DNER: variants seen among roughly 807,000 people sequenced by gnomAD.
DNER encodes the protein delta and Notch-like epidermal growth factor-related receptor.
DNER carries 33 observed loss-of-function variants against 78.2 expected under a neutral mutation model. The ratio of observed to expected loss-of-function variants is 0.42; its 90% CI spans 0.32 to 0.56. The LOEUF (loss-of-function observed/expected upper bound fraction) is 0.56, where lower values mean the gene tolerates loss of function less well. DNER is among the 20% of genes least tolerant of loss of function. DNER has a pLI of 0.11. For missense variants in DNER, 918 were observed against 975.3 expected, an observed-to-expected ratio of 0.94 and a Z score of 0.78; for synonymous variants, 417 against 384.8, an observed-to-expected ratio of 1.08 and a Z score of -0.98.
intron 1 of DNER, among the ~76,000 whole-genome samples, chr2:229,676,432 A>G (rs192528533): frequency 2.6e-5 from 4 of 152,392 alleles, no homozygotes; most frequent in Admixed American, 6.5e-5. Context: ...GTGCTAAATC[A>G]TAGTTGAATA....
chr2:229,592,686 G>A (rs1049284527), intron 1 of DNER, among the ~76,000 whole-genome samples: 3 of 152,114 alleles, frequency 2.0e-5, no homozygotes, highest in African/African-American at 2.4e-5. Flanking sequence ...TTGCAGACAC[G>A]CTACAAAACA....
intron 8 of DNER, among the ~76,000 whole-genome samples, chr2:229,421,583 C>T (rs1693764045): frequency 6.8e-6 from 1 of 146,706 alleles, no homozygotes; most frequent in Admixed American, 6.8e-5. Context: ...GTAAAAAATA[C>T]ACAACATAAA....
chr2:229,513,063 G>T, intron 5 of DNER, 127 bp from the exon 6 acceptor site: 1 of 1,050,854 alleles, frequency 9.5e-7, no homozygotes. Context: ...AATCACTTAT[G>T]TCATAATCTA....
chr2:229,509,773 C>T (rs1695826576), intron 6 of DNER, among the ~76,000 whole-genome samples: 1 of 152,142 alleles, frequency 6.6e-6, no homozygotes, highest in Admixed American at 6.5e-5. Context: ...CGAGATCATG[C>T]CACTGCATTC....
chr2:229,550,631 C>G (rs1696715928), intron 4 of DNER, among the ~76,000 whole-genome samples: 1 of 151,950 alleles, frequency 6.6e-6, no homozygotes, highest in South Asian at 2.1e-4. Flanking sequence ...AAAAAATTAG[C>G]CAGGCATGGT....
intron 1 of DNER, among the ~76,000 whole-genome samples, chr2:229,688,862 C>T (rs1469135163): frequency 6.6e-6 from 1 of 152,108 alleles, no homozygotes; most frequent in Non-Finnish European, 1.5e-5. Flanking sequence ...AGCTGGAAGC[C>T]GTCATCCTGA....
At position 229,412,763 on chromosome 2, in the gene DNER, G is replaced by C. The variant is rs553563178; in HGVS notation, c.1609+5345C>G. Among the ~76,000 whole-genome samples, 5 of 152,290 alleles carry C rather than the reference G, an allele frequency of 3.3e-5. No homozygotes were observed. The East Asian group carries it at 9.7e-4, about 29-fold the overall frequency. ...CCCCGTCAGGAATGAAGTTGCAGAA[G>C]ACACAGCAAGGCGACGTGCAAGAGG... On this transcript the variant is annotated intron_variant, in intron 9 of 12. Transcript: ENST00000341772.
chr2:229,563,462 A>AC (rs932229466), intron 4 of DNER, among the ~76,000 whole-genome samples: 1 of 133,156 alleles, frequency 7.5e-6, no homozygotes, highest in Non-Finnish European at 1.6e-5. Flanking sequence ...CTTCATCATC[A>AC]CCCCATCGCC....
chr2:229,703,114 G>A (rs551716203), intron 1 of DNER, among the ~76,000 whole-genome samples: 33 of 152,058 alleles, frequency 2.2e-4, no homozygotes, highest in Non-Finnish European at 4.0e-4. Context: ...GAGAAGGGGG[G>A]AGAACATATT....
At chr2:229,393,857 CA>C (rs940519007) in intron 10 of DNER, among the ~76,000 whole-genome samples, 102 of 131,108 alleles carry the variant, frequency 7.8e-4, no homozygotes, top group Middle Eastern at 4.2e-3. Context: ...AAAACAAAAA[CA>C]AAAACAAAAA....
chr2:229,527,542 T>C (rs1372916876), intron 5 of DNER, among the ~76,000 whole-genome samples: 1 of 152,186 alleles, frequency 6.6e-6, no homozygotes, highest in Non-Finnish European at 1.5e-5. Flanking sequence ...AGAACAGAAA[T>C]CCAGGCAGCC....
chr2:229,540,824 A>G (rs1351494889), intron 5 of DNER, among the ~76,000 whole-genome samples: 1 of 152,192 alleles, frequency 6.6e-6, no homozygotes, highest in Non-Finnish European at 1.5e-5. Context: ...CTCTCAAAAC[A>G]ACGTCTCAGT....
intron 5 of DNER, among the ~76,000 whole-genome samples, chr2:229,534,019 T>A (rs761524958): frequency 6.6e-6 from 1 of 152,238 alleles, no homozygotes; most frequent in Non-Finnish European, 1.5e-5. Flanking sequence ...TCCAAAGGAC[T>A]GATGTGTGAT....
intron 10 of DNER, among the ~76,000 whole-genome samples, chr2:229,405,891 A>G (rs1471986636): frequency 2.0e-5 from 3 of 152,276 alleles, no homozygotes; most frequent in East Asian, 3.9e-4. Context: ...TCTGGGGAAA[A>G]AAAACCCGGG....
chr2:229,457,189 T>C (rs1426457904), intron 7 of DNER, among the ~76,000 whole-genome samples: 3 of 151,996 alleles, frequency 2.0e-5, no homozygotes, highest in African/African-American at 7.3e-5. Context: ...TTAAGCTGAA[T>C]AGAAACAATA....
chr2:229,413,504 G>T (rs1201732887), intron 9 of DNER, among the ~76,000 whole-genome samples: 1 of 151,054 alleles, frequency 6.6e-6, no homozygotes, highest in Non-Finnish European at 1.5e-5. Flanking sequence ...TGTATTTTTA[G>T]TAGAGATGGG....
At chr2:229,596,554 A>G (rs994299247) in intron 1 of DNER, among the ~76,000 whole-genome samples, 5 of 152,176 alleles carry the variant, frequency 3.3e-5, no homozygotes, top group African/African-American at 1.2e-4. Flanking sequence ...CACTTTGTGA[A>G]GCCATTCACC....
Position 229,358,577 on chromosome 2 carries a change from T to C in DNER, c.2177A>G (p.Lys726Arg). The C allele has an allele frequency of 6.2e-7, 1 of 1,613,820 alleles. No homozygotes were observed. The highest frequency in any genetic ancestry group is 8.5e-7 in the Non-Finnish European group (1 of 1,179,834). Reference protein sequence around the residue: ...IAYEDYSPDDKPLVTLIKTKD... With the variant: ...IAYEDYSPDDRPLVTLIKTKD... ...AGTTTTAATCAGTGTGACCAAGGGT[T>C]TGTCATCAGGACTGTAATCTTCATA... The change falls in exon 13 of 13, where the codon AAA becomes AGA. Residue 726 changes from lysine to arginine, a missense_variant. Transcript: ENST00000341772.
intron 1 of DNER, among the ~76,000 whole-genome samples, chr2:229,615,284 G>A (rs1461473999): frequency 6.6e-6 from 1 of 151,918 alleles, no homozygotes; most frequent in African/African-American, 2.4e-5. Context: ...GGTGGCACAT[G>A]CCTGTAATCC....
Sources: allele counts gnomAD v4.1 joint callset (sites outside exome capture counted in the v4.1 genomes callset), GRCh38; gene constraint gnomAD v4.1.1; transcripts MANE v1.5; gene names NCBI Gene and HGNC (gene_info 2026-07-23, HGNC 2026-07-21).